The following PROX1 variants were observed in gnomAD, a reference collection of about 807,000 sequenced individuals.
The protein encoded by PROX1 is prospero homeobox 1.
Under a neutral mutation model 58.8 loss-of-function variants are expected in PROX1, and 7 were observed. That is an observed-to-expected ratio of 0.12 (90% CI 0.07 to 0.22). PROX1 has a LOEUF of 0.22. Ranked by LOEUF, PROX1 falls within the 10% of genes least tolerant of loss-of-function variation. The pLI is 1.00. For synonymous variants in PROX1, 350 were observed against 358.3 expected (o/e 0.98, Z 0.26); for missense variants, 675 against 927.8 (o/e 0.73, Z 3.54).
At chr1:213,987,760 C>T (rs1439949744), upstream of PROX1, 1 of 144,738 alleles carries the variant, frequency 6.9e-6, no homozygotes. Context: ...GCGCAGGGCC[C>T]CTCTCCCCTC....
At chr1:214,009,533 C>T (rs746164397) in intron 3 of PROX1, among the ~76,000 whole-genome samples, 4 of 152,130 alleles carry the variant, frequency 2.6e-5, no homozygotes, top group Non-Finnish European at 5.9e-5. Flanking sequence ...GGAGGGAAAC[C>T]CTGTTCCTTA....
chr1:214,024,487 G>A (rs1240975904), intron 4 of PROX1, among the ~76,000 whole-genome samples: 1 of 152,124 alleles, frequency 6.6e-6, no homozygotes, highest in Non-Finnish European at 1.5e-5. Context: ...CCATGAACTT[G>A]TGTTCTCTGA....
chr1:213,990,357 T>C (rs552635091), intron 1 of PROX1, among the ~76,000 whole-genome samples: 165 of 143,342 alleles, frequency 1.2e-3, no homozygotes, highest in Non-Finnish European at 1.5e-3. Context: ...TTTATGGTTG[T>C]CCTGGTTAAT....
chr1:214,026,821 C>T (rs1256196728), intron 4 of PROX1, among the ~76,000 whole-genome samples: 1 of 152,160 alleles, frequency 6.6e-6, no homozygotes, highest in Non-Finnish European at 1.5e-5. Context: ...CAGATCCGTA[C>T]ACTGCAGACC....
In PROX1 at chr1:214,036,052, T is replaced by TGCCCA; in HGVS notation, c.*219_*223dup. ...TTTCTTTCTGCCTTTAGTTTGCTTTTGCCCAAGGCCCTTAACATTTGGACA... is the reference window on the plus strand; with the variant it reads ...TTTCTTTCTGCCTTTAGTTTGCTTTTGCCCAGCCCAAGGCCCTTAACATTTGGACA... On this transcript the variant is annotated 3_prime_UTR_variant, in exon 5 of 5. Coordinates refer to ENST00000366958, the MANE Select transcript of PROX1 (RefSeq NM_001270616.2). 1 of 401,700 alleles carries TGCCCA rather than the reference T, an allele frequency of 2.5e-6. No individual in the cohort carries two copies. Among genetic ancestry groups the TGCCCA allele is most frequent in the Non-Finnish European group, 4.4e-6 (1 of 229,612 alleles). 24.9% of individuals were successfully genotyped at this position (401,700 alleles called of 1,614,324 possible).
chr1:214,027,497 C>T (rs1255535247), intron 4 of PROX1, among the ~76,000 whole-genome samples: 1 of 152,102 alleles, frequency 6.6e-6, no homozygotes, highest in Admixed American at 6.5e-5. Context: ...ATGCATGGTA[C>T]TTTGTTTTAT....
intron 4 of PROX1, among the ~76,000 whole-genome samples, chr1:214,024,474 C>T (rs373722339): frequency 7.5e-4 from 114 of 152,258 alleles, no homozygotes; most frequent in African/African-American, 2.7e-3. Context: ...GTGCCAGCAT[C>T]CCCCATGAAC....
chr1:214,002,412 C>CTTTTT lies in PROX1; in HGVS notation c.1726-2741_1726-2737dup, dbSNP rs774337530. Among the ~76,000 whole-genome samples the CTTTTT allele has an allele frequency of 6.7e-3, 777 of 116,330 alleles. 19 individuals carry two copies. Among genetic ancestry groups the CTTTTT allele is most frequent in the African/African-American group, 0.024 (711 of 30,072 alleles). 76.3% of individuals were successfully genotyped at this position (116,330 alleles called of 152,430 possible). Reference sequence around the variant, plus strand: ...ATCTTTTCTTTTTTTTTTCTTTTTTCTTTTTTTTTTTTTTTTACACCTGGC... The same window carrying CTTTTT: ...ATCTTTTCTTTTTTTTTTCTTTTTTCTTTTTTTTTTTTTTTTTTTTTACACCTGGC... On this transcript the variant is annotated intron_variant, in intron 2 of 4. Coordinates refer to ENST00000366958, the MANE Select transcript of PROX1 (RefSeq NM_001270616.2).
intron 3 of PROX1, among the ~76,000 whole-genome samples, chr1:214,005,943 C>T (rs1463860632): frequency 6.8e-6 from 1 of 147,962 alleles, no homozygotes; most frequent in Admixed American, 6.7e-5. Context: ...TGTGTGTATG[C>T]GTGTGTGTGT....
chr1:214,001,907 G>C (rs1476766037), intron 2 of PROX1, among the ~76,000 whole-genome samples: 1 of 151,764 alleles, frequency 6.6e-6, no homozygotes, highest in Non-Finnish European at 1.5e-5. Context: ...TCCGATTATG[G>C]TGAACTTCCT....
At position 214,035,712 on chromosome 1, in the gene PROX1, G is replaced by T; in HGVS notation, c.2092G>T (p.Ala698Ser). 1 of 1,613,782 alleles carries T rather than the reference G, an allele frequency of 6.2e-7. No individual in the cohort carries two copies. Among genetic ancestry groups the T allele is most frequent in the Non-Finnish European group, 8.5e-7 (1 of 1,179,848 alleles). ...TLREFFNAIIAGKDVDPSWKK... is the reference protein window; with the variant it reads ...TLREFFNAIISGKDVDPSWKK... ...ACGGGAGTTTTTCAATGCCATTATC[G>T]CAGGCAAAGATGTTGATCCTTCCTG... Residue 698 changes from alanine to serine, a missense_variant, in exon 5 of 5, where the codon GCA (alanine) becomes TCA (serine). Ala to Ser is a moderately conservative substitution (Grantham distance 99). This residue lies in a region of PROX1 where 50 missense variants were observed against 79.3 expected (regional missense o/e 0.63). Transcript: ENST00000366958.
intron 3 of PROX1, among the ~76,000 whole-genome samples, chr1:214,006,799 A>T (rs1467553742): frequency 6.6e-6 from 1 of 152,154 alleles, no homozygotes; most frequent in Non-Finnish European, 1.5e-5. Context: ...CTGTGTGTGC[A>T]GATGTCCATG....
At chr1:214,008,863 A>G (rs990884831) in intron 3 of PROX1, among the ~76,000 whole-genome samples, 1 of 152,200 alleles carries the variant, frequency 6.6e-6, no homozygotes, top group African/African-American at 2.4e-5. Context: ...TCATAATGAC[A>G]TTTAGCCAAA....
intron 1 of PROX1, among the ~76,000 whole-genome samples, chr1:213,991,908 T>A (rs1395057904): frequency 6.6e-6 from 1 of 152,230 alleles, no homozygotes; most frequent in Admixed American, 6.5e-5. Flanking sequence ...TTGTGCATGA[T>A]GTATCATTAT....
At chr1:213,990,044 CAG>C (rs1425986819) in intron 1 of PROX1, among the ~76,000 whole-genome samples, 4 of 148,468 alleles carry the variant, frequency 2.7e-5, no homozygotes, top group African/African-American at 1.0e-4. Context: ...CTTATAAAAA[CAG>C]AGGAAGCACA....
At chr1:214,021,191 G>T (rs540837303) in intron 4 of PROX1, among the ~76,000 whole-genome samples, 220 of 152,274 alleles carry the variant, frequency 1.4e-3, no homozygotes, top group African/African-American at 4.7e-3. Flanking sequence ...CACCATTATG[G>T]TTTTATCACC....
intron 1 of PROX1, among the ~76,000 whole-genome samples, chr1:213,993,203 G>C (rs1479453660): frequency 2.0e-5 from 3 of 152,184 alleles, no homozygotes; most frequent in African/African-American, 7.2e-5. Flanking sequence ...TACAGGAATA[G>C]AGTAAGTGTA....
intron 1 of PROX1, among the ~76,000 whole-genome samples, chr1:213,994,382 G>A (rs1663148534): frequency 1.3e-5 from 2 of 152,046 alleles, no homozygotes; most frequent in Non-Finnish European, 2.9e-5. Context: ...AGGGCAATAA[G>A]CTCTATTTTG....
upstream of PROX1, among the ~76,000 whole-genome samples, chr1:213,987,092 C>A (rs117262251): frequency 1.0e-3 from 156 of 152,210 alleles, 2 homozygotes; most frequent in East Asian, 0.027. Flanking sequence ...GAAGGGTAAT[C>A]GCCAGATGTT....
Sources: gnomAD v4.1 joint callset for allele counts (sites outside exome capture counted in the v4.1 genomes callset) on GRCh38, gnomAD v4.1.1 for gene constraint, gnomAD v4.1.1 regional missense constraint, MANE v1.5 for transcripts, NCBI Gene and HGNC (gene_info 2026-07-23, HGNC 2026-07-21) for gene names.